The following NCOA1 variants were observed in gnomAD, a reference collection of about 807,000 sequenced individuals.
The protein encoded by NCOA1 is nuclear receptor coactivator 1, also known as Hin-2 protein.
NCOA1 carries 35 observed loss-of-function variants against 150.9 expected under a neutral mutation model. That is an observed-to-expected ratio of 0.23 (90% CI 0.18 to 0.31). NCOA1 has a LOEUF of 0.31. Ranked by LOEUF, NCOA1 falls within the 10% of genes least tolerant of loss-of-function variation. The pLI is 1.00. For missense variants in NCOA1, 1,491 were observed against 1,749.3 expected (o/e 0.85, Z 2.63); for synonymous variants, 590 against 630.0 (o/e 0.94, Z 0.95).
intron 1 of NCOA1, among the ~76,000 whole-genome samples, chr2:24,557,014 G>C (rs373391533): frequency 2.7e-5 from 4 of 150,300 alleles, no homozygotes; most frequent in Non-Finnish European, 5.9e-5. Flanking sequence ...TGTTGGGTTG[G>C]GGGGGGTGGC....
At chr2:24,609,144 A>T (rs79727657) in intron 3 of NCOA1, among the ~76,000 whole-genome samples, 3,798 of 152,314 alleles carry the variant, frequency 0.025, 76 homozygotes, top group Non-Finnish European at 0.037. Context: ...ATGGGAATTA[A>T]GTTTCACCTC....
intron 5 of NCOA1, among the ~76,000 whole-genome samples, chr2:24,663,263 A>G (rs1292589529): frequency 6.6e-6 from 1 of 152,096 alleles, no homozygotes; most frequent in Non-Finnish European, 1.5e-5. Context: ...ATACCTTTGA[A>G]AAAGCTGTTT....
intron 4 of NCOA1, among the ~76,000 whole-genome samples, chr2:24,647,783 A>C (rs1443984557): frequency 1.3e-5 from 2 of 152,312 alleles, no homozygotes; most frequent in East Asian, 1.9e-4. Context: ...TATAATGTGA[A>C]AGTGGCAACT....
intron 1 of NCOA1, among the ~76,000 whole-genome samples, chr2:24,543,978 G>T (rs567719161): frequency 2.6e-5 from 4 of 152,318 alleles, no homozygotes; most frequent in Admixed American, 2.6e-4. Context: ...AAGCTGTCTT[G>T]TGTATTCATT....
intron 7 of NCOA1, among the ~76,000 whole-genome samples, chr2:24,676,829 A>G (rs546329348): frequency 1.3e-5 from 2 of 152,330 alleles, no homozygotes; most frequent in South Asian, 2.1e-4. Context: ...GAAAAATTTC[A>G]TAATTGGAAA....
chr2:24,578,056 T>C (rs1331658522), intron 2 of NCOA1, among the ~76,000 whole-genome samples: 1 of 152,180 alleles, frequency 6.6e-6, no homozygotes, highest in East Asian at 1.9e-4. Flanking sequence ...CCTCACAACG[T>C]ACTCTTTTGC....
intron 3 of NCOA1, among the ~76,000 whole-genome samples, chr2:24,608,076 AG>A (rs2148375298): frequency 6.6e-6 from 1 of 152,124 alleles, no homozygotes; most frequent in East Asian, 1.9e-4. Context: ...ATAGTTTTAG[AG>A]AAGATTTTAA....
chr2:24,716,839 T>A (rs1674072045), intron 14 of NCOA1, among the ~76,000 whole-genome samples: 1 of 152,210 alleles, frequency 6.6e-6, no homozygotes, highest in South Asian at 2.1e-4. Context: ...AGGAAGAAAT[T>A]ATATTCTCTC....
At chr2:24,665,164 C>T (rs1162907914) in intron 5 of NCOA1, among the ~76,000 whole-genome samples, 2 of 151,948 alleles carry the variant, frequency 1.3e-5, no homozygotes, top group East Asian at 3.9e-4. Flanking sequence ...CTTTTTAGGA[C>T]ACAGCTGTAT....
intron 1 of NCOA1, among the ~76,000 whole-genome samples, chr2:24,557,998 C>G (rs1010357520): frequency 4.6e-5 from 7 of 150,820 alleles, no homozygotes; most frequent in African/African-American, 4.9e-5. Context: ...TTCATTTTCC[C>G]AAAATGAACC....
chr2:24,562,821 T>C (rs1666341186), intron 1 of NCOA1, among the ~76,000 whole-genome samples: 1 of 152,076 alleles, frequency 6.6e-6, no homozygotes, highest in Non-Finnish European at 1.5e-5. Context: ...AACAAGCGAC[T>C]AGAATGGAGA....
chr2:24,678,655 GAT>G (rs1376586108), intron 7 of NCOA1, among the ~76,000 whole-genome samples: 2 of 152,216 alleles, frequency 1.3e-5, no homozygotes, highest in African/African-American at 4.8e-5. Context: ...TTGAGCTTTT[GAT>G]ATGTTTGTTG....
At chr2:24,555,377 A>C (rs1168615918) in intron 1 of NCOA1, among the ~76,000 whole-genome samples, 1 of 152,246 alleles carries the variant, frequency 6.6e-6, no homozygotes, top group Non-Finnish European at 1.5e-5. Flanking sequence ...TTTACGGGCC[A>C]GAATACGGTC....
chr2:24,752,148 AAAC>A lies in NCOA1; in HGVS notation c.3879_3881del (p.Asn1294del), dbSNP rs773887238. On this transcript the variant is annotated inframe_deletion, in exon 20 of 23. Coordinates refer to ENST00000348332, the MANE Select transcript of NCOA1 (RefSeq NM_003743.5). ...AGGCCTGGCAGCAAGGAGCGATAGG[AAAC>A]AACAAGTAAGGGGGCAGTTTTTATA... is the stretch of plus-strand genomic sequence containing the variant. 38 of 1,613,816 alleles carry A rather than the reference AAAC, an allele frequency of 2.4e-5. No individual in the cohort carries two copies. Among genetic ancestry groups the A allele is most frequent in the Non-Finnish European group, 3.1e-5 (37 of 1,179,868 alleles).
chr2:24,667,344 G>T (rs1286668101), intron 6 of NCOA1, among the ~76,000 whole-genome samples: 1 of 152,004 alleles, frequency 6.6e-6, no homozygotes, highest in Non-Finnish European at 1.5e-5. Context: ...ATGAAGTCAT[G>T]TGGGGGTGAT....
chr2:24,709,633 G>GTA, intron 13 of NCOA1, among the ~76,000 whole-genome samples: 3 of 152,114 alleles, frequency 2.0e-5, no homozygotes, highest in Non-Finnish European at 4.4e-5. Context: ...ACTTTTTGAT[G>GTA]AGGTGAAGTT....
intron 4 of NCOA1, among the ~76,000 whole-genome samples, chr2:24,657,119 C>T (rs1670984748): frequency 1.3e-5 from 2 of 152,150 alleles, no homozygotes; most frequent in South Asian, 4.1e-4. Context: ...CTCTTCATTT[C>T]TTCCCGGCAC....
At chr2:24,733,018 G>A (rs554412518) in intron 17 of NCOA1, among the ~76,000 whole-genome samples, 4 of 152,088 alleles carry the variant, frequency 2.6e-5, no homozygotes, top group South Asian at 2.1e-4. Context: ...CCAATGGTTC[G>A]CAAAGACTGA....
chr2:24,589,732 T>G (rs1162767436), intron 3 of NCOA1, among the ~76,000 whole-genome samples: 1 of 152,070 alleles, frequency 6.6e-6, no homozygotes, highest in East Asian at 1.9e-4. Flanking sequence ...AGGCAGTCAT[T>G]TTGTACAGTC....
Sources: gnomAD v4.1 joint callset for allele counts (sites outside exome capture counted in the v4.1 genomes callset) on GRCh38, gnomAD v4.1.1 for gene constraint, MANE v1.5 for transcripts, NCBI Gene and HGNC (gene_info 2026-07-23, HGNC 2026-07-21) for gene names.